Variants in GM2A observed in about 807,000 individuals in gnomAD.
GM2A encodes GM2 ganglioside activator.
In GM2A, 7 loss-of-function variants were observed where a neutral mutation model predicts 12.9. That is an observed-to-expected ratio of 0.54 (90% CI 0.31 to 1.02). GM2A has a LOEUF of 1.02. Ranked by LOEUF, GM2A falls within the 50% of genes least tolerant of loss-of-function variation. The pLI is 0.05. For synonymous variants in GM2A, 101 were observed against 96.0 expected (o/e 1.05, Z -0.30); for missense variants, 246 against 241.0 (o/e 1.02, Z -0.14).
chr5:151,258,784 G>C (rs1000010367), intron 1 of GM2A, among the ~76,000 whole-genome samples: 1 of 152,212 alleles, frequency 6.6e-6, no homozygotes, highest in Non-Finnish European at 1.5e-5. Context: ...TGATGGGAGT[G>C]TTGAAGGTGG....
At chr5:151,259,980 A>G (rs1162998423) in intron 2 of GM2A, 64 bp downstream of exon 2, 5 of 1,272,214 alleles carry the variant, frequency 3.9e-6, no homozygotes, top group East Asian at 4.7e-5. Context: ...GTACTGGGGC[A>G]TGTATGCTTG....
Position 151,270,419 on chromosome 5 carries a change from T to C in GM2A, c.*2968T>C, listed in dbSNP as rs1753986483. On this transcript the variant is annotated 3_prime_UTR_variant, in exon 4 of 4. Transcript: ENST00000357164. ...ATCAAATGACTGGGAGAAAAATTTA[T>C]CCAGCCTATATAATAGACAAACAGT... The C allele has an allele frequency of 2.5e-6, 1 of 398,352 alleles. No individual in the cohort carries two copies. The highest frequency in any genetic ancestry group is 1.3e-4 in the South Asian group (1 of 7,808). 24.7% of individuals were successfully genotyped at this position (398,352 alleles called of 1,614,324 possible).
chr5:151,264,641 TG>T (rs1753852154), intron 2 of GM2A, among the ~76,000 whole-genome samples: 1 of 152,186 alleles, frequency 6.6e-6, no homozygotes, highest in Non-Finnish European at 1.5e-5. Flanking sequence ...TCCCTCTCAA[TG>T]GGACCTGTGA....
At chr5:151,256,043 G>A (rs1327262348) in intron 1 of GM2A, among the ~76,000 whole-genome samples, 2 of 152,132 alleles carry the variant, frequency 1.3e-5, no homozygotes, top group Non-Finnish European at 2.9e-5. Context: ...AGATAAAGAT[G>A]GGGGTGGGGG....
chr5:151,268,621 T>A lies in GM2A; in HGVS notation c.*1170T>A. 1.2e-6 allele frequency: 1 copy of A among 814,560 alleles called. No homozygotes were observed. 50.5% of individuals were successfully genotyped at this position (814,560 alleles called of 1,614,324 possible). The stretch of plus-strand genomic sequence containing the variant: ...AGTTGGAGAGTGCATAGCCAGTCTG[T>A]GAAGACAACTGCCAGATACTGGCAA... On this transcript the variant is annotated 3_prime_UTR_variant, in exon 4 of 4. Transcript: ENST00000357164.
Position 151,267,825 on chromosome 5 carries a change from T to G in GM2A, c.*374T>G, listed in dbSNP as rs983568153. On this transcript the variant is annotated 3_prime_UTR_variant, in exon 4 of 4. Transcript: ENST00000357164. ...TCTCTCTCTTTCACTCTTTTTTTTT[T>G]TTGTCACTAAGTTAAAAGCGAAGTG... is the stretch of plus-strand genomic sequence containing the variant. 2.6e-6 allele frequency: 3 copies of G among 1,176,056 alleles called. No homozygotes were observed. Among genetic ancestry groups the G allele is most frequent in the Non-Finnish European group, 3.2e-6 (3 of 937,194 alleles). 72.9% of individuals were successfully genotyped at this position (1,176,056 alleles called of 1,614,324 possible).
At chr5:151,257,792 C>G (rs1258316214) in intron 1 of GM2A, among the ~76,000 whole-genome samples, 1 of 152,210 alleles carries the variant, frequency 6.6e-6, no homozygotes, top group Non-Finnish European at 1.5e-5. Flanking sequence ...TGCCTGAGTT[C>G]CCTCGGCCTG....
Position 151,268,092 on chromosome 5 carries a change from C to T in GM2A, c.*641C>T. ...AAACTCAGGTACCCGCAGGGCCTAG[C>T]AAGAGACTTAAATGACTGATAAGAA... On this transcript the variant is annotated 3_prime_UTR_variant, in exon 4 of 4. Transcript: ENST00000357164. The T allele has an allele frequency of 1.0e-6, 1 of 992,250 alleles. No homozygotes were observed. The highest frequency in any genetic ancestry group is 1.2e-6 in the Non-Finnish European group (1 of 833,858). The allele number at this position is 992,250 out of a possible 1,614,324, so 61.5% of individuals were successfully genotyped here.
intron 1 of GM2A, among the ~76,000 whole-genome samples, chr5:151,254,398 A>G (rs545333309): frequency 1.3e-5 from 2 of 152,156 alleles, no homozygotes; most frequent in Non-Finnish European, 1.5e-5. Context: ...CCCAGGCTGG[A>G]GTGCAGTGGG....
intron 2 of GM2A, among the ~76,000 whole-genome samples, chr5:151,265,295 A>G (rs1753863871): frequency 6.6e-6 from 1 of 152,174 alleles, no homozygotes; most frequent in Admixed American, 6.5e-5. Flanking sequence ...AAGGCAGCTA[A>G]TATCTCGACA....
At chr5:151,264,462 C>G (rs1753849048) in intron 2 of GM2A, among the ~76,000 whole-genome samples, 1 of 152,178 alleles carries the variant, frequency 6.6e-6, no homozygotes, top group Admixed American at 6.5e-5. Context: ...GACTTGTCCC[C>G]CTACTGGCCT....
chr5:151,259,961 C>T (rs779819860), intron 2 of GM2A, 45 bp downstream of exon 2: 6 of 1,505,418 alleles, frequency 4.0e-6, no homozygotes, highest in Non-Finnish European at 5.5e-6. Context: ...GAGGGTCTGG[C>T]CAGCAGGGGT....
At chr5:151,261,424 TTTTA>T (rs1753796215) in intron 2 of GM2A, among the ~76,000 whole-genome samples, 3 of 152,124 alleles carry the variant, frequency 2.0e-5, no homozygotes, top group South Asian at 4.2e-4. Context: ...CCAGGGTAGT[TTTTA>T]TTTGTTTGTT....
chr5:151,257,773 C>T (rs17801974), intron 1 of GM2A, among the ~76,000 whole-genome samples: 5,555 of 152,320 alleles, frequency 0.036, 292 homozygotes, highest in East Asian at 0.26. Context: ...CTTTGTGCCT[C>T]GGGGCCTTTG....
rs757005075 is a variant in GM2A, at chr5:151,267,291, C to T, written c.427-5C>T. On this transcript the variant is annotated splice_region_variant and splice_polypyrimidine_tract_variant and intron_variant, in intron 3 of 3. Transcript: ENST00000357164. The stretch of plus-strand genomic sequence containing the variant: ...CTGACTGGCGGTCCACTGGCTTTCC[C>T]GCAGGGAACCTACTCACTGCCCAAG... 26 of 1,614,016 alleles carry T rather than the reference C, an allele frequency of 1.6e-5. No homozygotes were observed. The highest frequency in any genetic ancestry group is 4.5e-5 in the East Asian group (2 of 44,888).
intron 2 of GM2A, among the ~76,000 whole-genome samples, chr5:151,266,221 G>A (rs1753882432): frequency 6.6e-6 from 1 of 152,166 alleles, no homozygotes; most frequent in South Asian, 2.1e-4. Context: ...GCTCACGCCT[G>A]TAATCCCAGC....
At chr5:151,267,073 T>A in intron 3 of GM2A, 160 bp downstream of exon 3, 1 of 846,574 alleles carries the variant, frequency 1.2e-6, no homozygotes, top group Non-Finnish European at 1.9e-6. Flanking sequence ...GCCTCAGTTA[T>A]CCATCTACGA....
intron 2 of GM2A, among the ~76,000 whole-genome samples, chr5:151,264,180 G>C (rs1211273673): frequency 6.6e-6 from 1 of 152,198 alleles, no homozygotes; most frequent in Non-Finnish European, 1.5e-5. Flanking sequence ...AGCACCCAAA[G>C]TCATATACAT....
At chr5:151,256,626 A>G (rs1010426551) in intron 1 of GM2A, among the ~76,000 whole-genome samples, 2 of 148,566 alleles carry the variant, frequency 1.3e-5, no homozygotes, top group African/African-American at 5.0e-5. Context: ...AAAAAAAAAG[A>G]AAAGTTACAG....
Sources: gnomAD v4.1 joint callset for allele counts (sites outside exome capture counted in the v4.1 genomes callset) on GRCh38, gnomAD v4.1.1 for gene constraint, MANE v1.5 for transcripts, NCBI Gene and HGNC (gene_info 2026-07-23, HGNC 2026-07-21) for gene names.